The following IQGAP1 variants were observed in gnomAD, a reference collection of about 807,000 sequenced individuals.
IQGAP1 encodes ras GTPase-activating-like protein IQGAP1.
A neutral mutation model predicts 215.6 loss-of-function variants in IQGAP1; 66 were observed. The observed-to-expected ratio is 0.31, with a 90% CI of 0.25 to 0.38. IQGAP1 has a LOEUF of 0.38. IQGAP1 is among the 10% of genes least tolerant of loss of function. The pLI is 1.00. For synonymous variants in IQGAP1, 772 were observed against 728.7 expected, an observed-to-expected ratio of 1.06 and a Z score of -0.96; for missense variants, 1,712 against 1,997.1, an observed-to-expected ratio of 0.86 and a Z score of 2.72.
chr15:90,420,856 T>C (rs1465715005), intron 2 of IQGAP1, among the ~76,000 whole-genome samples: 1 of 152,214 alleles, frequency 6.6e-6, no homozygotes, highest in African/African-American at 2.4e-5. Flanking sequence ...AGTTTTATTT[T>C]TAAATGTCTT....
intron 15 of IQGAP1, among the ~76,000 whole-genome samples, chr15:90,456,713 T>TAAAAAA (rs59435003): frequency 7.8e-6 from 1 of 127,988 alleles, no homozygotes; most frequent in Non-Finnish European, 1.7e-5. Context: ...TCATCTCTAC[T>TAAAAAA]AAAAAAAAAA....
Position 90,439,216 on chromosome 15 carries a change from G to A in IQGAP1, c.468-116G>A, listed in dbSNP as rs766368779. On this transcript the variant is annotated intron_variant, in intron 5 of 37. Coordinates refer to ENST00000268182, the MANE Select transcript of IQGAP1 (RefSeq NM_003870.4). ...TACAAAGGAGACTGTCGTAGGTACTGGGAGTCTCAGTGTTCAGAATACTTC... is the reference window on the plus strand; with the variant it reads ...TACAAAGGAGACTGTCGTAGGTACTAGGAGTCTCAGTGTTCAGAATACTTC... The A allele has an allele frequency of 1.9e-5, 12 of 619,476 alleles. No homozygotes were observed. In the African/African-American group the frequency reaches 2.0e-4, roughly 11 times the overall value. 38.4% of individuals were successfully genotyped at this position (619,476 alleles called of 1,614,324 possible).
rs377444072 is a variant in IQGAP1, at chr15:90,388,297, C to G, written c.-45C>G. Reference sequence around the variant, plus strand: ...GCTGTAGCTACCGCCGTCCGCGCCTCCAAGGTTTCACGGCTTCCTCAGCAG... The same window carrying G: ...GCTGTAGCTACCGCCGTCCGCGCCTGCAAGGTTTCACGGCTTCCTCAGCAG... On this transcript the variant is annotated 5_prime_UTR_variant, in exon 1 of 38. Coordinates refer to ENST00000268182, the MANE Select transcript of IQGAP1 (RefSeq NM_003870.4). 8.1e-6 allele frequency: 13 copies of G among 1,596,436 alleles called. No individual in the cohort carries two copies. The highest frequency in any genetic ancestry group is 4.1e-5 in the African/African-American group (3 of 72,478).
chr15:90,474,751 C>T (rs78029681), intron 23 of IQGAP1, 58 bp downstream of exon 23: 26,587 of 1,300,164 alleles, frequency 0.02, 352 homozygotes, highest in Non-Finnish European at 0.023. Flanking sequence ...GTAACCCCTG[C>T]ATTCCCCTTT....
chr15:90,424,557 C>T (rs1333822290), intron 2 of IQGAP1, among the ~76,000 whole-genome samples: 6 of 152,222 alleles, frequency 3.9e-5, no homozygotes, highest in African/African-American at 1.4e-4. Flanking sequence ...CAAGACTGAG[C>T]TGGGAACGGT....
intron 17 of IQGAP1, 50 bp downstream of exon 17, chr15:90,466,486 A>T (rs1567135731): frequency 6.4e-7 from 1 of 1,566,038 alleles, no homozygotes; most frequent in East Asian, 2.2e-5. Flanking sequence ...CCTTGAGTAT[A>T]TGAGGGGACA....
At chr15:90,486,756 A>G (rs1406094907) in intron 31 of IQGAP1, 198 bp from the exon 32 acceptor site, 2 of 569,860 alleles carry the variant, frequency 3.5e-6, no homozygotes, top group Non-Finnish European at 6.2e-6. Flanking sequence ...TCAAACATTT[A>G]TGGAGTTATT....
intron 33 of IQGAP1, among the ~76,000 whole-genome samples, chr15:90,488,204 G>A (rs1966154490): frequency 1.3e-5 from 2 of 151,144 alleles, no homozygotes; most frequent in Non-Finnish European, 2.9e-5. Context: ...CTGGGCGACA[G>A]AGCGAGACTC....
intron 2 of IQGAP1, among the ~76,000 whole-genome samples, chr15:90,420,125 T>C (rs1438537780): frequency 6.6e-6 from 1 of 152,236 alleles, no homozygotes; most frequent in Non-Finnish European, 1.5e-5. Flanking sequence ...AGCATGTGAC[T>C]CATCATGAGG....
At chr15:90,473,999 G>A (rs1026128806) in intron 21 of IQGAP1, 32 bp downstream of exon 21, 1 of 1,611,732 alleles carries the variant, frequency 6.2e-7, no homozygotes, top group Non-Finnish European at 8.5e-7. Context: ...AGGCCATTAG[G>A]GGCAATTTTG....
rs1966333817 is a variant in IQGAP1, at chr15:90,501,013, A to G, written c.*905A>G. On this transcript the variant is annotated 3_prime_UTR_variant, in exon 38 of 38. Coordinates refer to ENST00000268182, the MANE Select transcript of IQGAP1 (RefSeq NM_003870.4). ...TTATTAAAGTATAGATGTATGTCTT[A>G]AAATGTGGGTGATAGGAATTTTAAA... The G allele has an allele frequency of 1.3e-5, 2 of 152,664 alleles. No homozygotes were observed. The highest frequency in any genetic ancestry group is 1.3e-4 in the Admixed American group (2 of 15,276). The allele number at this position is 152,664 out of a possible 1,614,324, so 9.5% of individuals were successfully genotyped here. A position where few individuals can be genotyped will look rare whatever the true frequency, so the allele number is the denominator to read the frequency against.
At chr15:90,413,795 A>G (rs1036181392) in intron 2 of IQGAP1, among the ~76,000 whole-genome samples, 1 of 152,214 alleles carries the variant, frequency 6.6e-6, no homozygotes, top group African/African-American at 2.4e-5. Flanking sequence ...CAACAACCTT[A>G]TGAAGTTTGG....
chr15:90,438,368 TTAA>T (rs1179804333), intron 5 of IQGAP1, among the ~76,000 whole-genome samples: 1 of 152,190 alleles, frequency 6.6e-6, no homozygotes, highest in Non-Finnish European at 1.5e-5. Flanking sequence ...CAAATATTGA[TTAA>T]TGTTTATTAA....
intron 23 of IQGAP1, chr15:90,474,994 CTT>C (rs771704265): frequency 0.02 from 2,383 of 119,134 alleles, no homozygotes; most frequent in South Asian, 0.064. Context: ...TGATTTTTGG[CTT>C]TTTTTTTTTT....
chr15:90,445,297 A>G (rs1255241053), intron 9 of IQGAP1, among the ~76,000 whole-genome samples: 2 of 151,926 alleles, frequency 1.3e-5, no homozygotes, highest in Non-Finnish European at 2.9e-5. Flanking sequence ...GCTATTTAGT[A>G]AGTACTCAAT....
intron 11 of IQGAP1, among the ~76,000 whole-genome samples, chr15:90,451,401 T>C (rs2107435): frequency 0.16 from 24,077 of 152,116 alleles, 2,634 homozygotes; most frequent in East Asian, 0.46. Flanking sequence ...TGGGCTCATG[T>C]GAAGAGAGAC....
intron 2 of IQGAP1, among the ~76,000 whole-genome samples, chr15:90,425,600 T>C (rs772509100): frequency 2.0e-5 from 3 of 152,224 alleles, no homozygotes; most frequent in Non-Finnish European, 4.4e-5. Flanking sequence ...GGAGTTTCTT[T>C]TAATATTTTA....
intron 2 of IQGAP1, among the ~76,000 whole-genome samples, chr15:90,409,618 A>G (rs1458816981): frequency 1.3e-5 from 2 of 151,964 alleles, no homozygotes; most frequent in African/African-American, 4.8e-5. Context: ...CAAGTGTTCT[A>G]CTCACCTTGG....
chr15:90,497,283 C>T lies in IQGAP1; in HGVS notation c.4803C>T (p.Phe1601=), dbSNP rs1232665675. 27 of 1,611,374 alleles carry T rather than the reference C, an allele frequency of 1.7e-5. No individual in the cohort carries two copies. Among genetic ancestry groups the T allele is most frequent in the Admixed American group, 3.3e-5 (2 of 59,958 alleles). Residue 1601 remains phenylalanine, a synonymous_variant, in exon 37 of 38, where the codon TTC becomes TTT. Transcript: ENST00000268182. ...GTCCAACAGAAGAAGTTGGAGACTT[C>T]GAAGTGAAAGCCAAATTCATGGGAG... is the stretch of plus-strand genomic sequence containing the variant. ...EISPTEEVGD[F]EVKAKFMGVQ... is the part of the protein sequence containing the mutation.
Sources: gnomAD v4.1 joint callset for allele counts (sites outside exome capture counted in the v4.1 genomes callset) on GRCh38, gnomAD v4.1.1 for gene constraint, MANE v1.5 for transcripts, NCBI Gene and HGNC (gene_info 2026-07-23, HGNC 2026-07-21) for gene names.